The following FSCN1 variants were observed in gnomAD, a reference collection of about 807,000 sequenced individuals.
The protein encoded by FSCN1 is fascin actin-bundling protein 1, also known as fascin.
A neutral mutation model predicts 39.7 loss-of-function variants in FSCN1; 10 were observed. The observed-to-expected ratio is 0.25, with a 90% CI of 0.16 to 0.43. The LOEUF (loss-of-function observed/expected upper bound fraction) is 0.43, where lower values mean the gene tolerates loss of function less well. FSCN1 is among the 20% of genes least tolerant of loss of function. The pLI, the probability that FSCN1 is intolerant of heterozygous loss-of-function variation, is 1.00. For missense variants in FSCN1, 525 were observed against 723.8 expected (o/e 0.73, Z 3.15); for synonymous variants, 322 against 320.0 (o/e 1.01, Z -0.07).
chr7:5,597,189 CA>C (rs1785744599), intron 1 of FSCN1, among the ~76,000 whole-genome samples: 1 of 152,118 alleles, frequency 6.6e-6, no homozygotes. Flanking sequence ...GAAAACATGG[CA>C]AAACCTCTGT....
intron 1 of FSCN1, among the ~76,000 whole-genome samples, chr7:5,595,318 G>A (rs1785711154): frequency 6.6e-6 from 1 of 152,210 alleles, no homozygotes; most frequent in Non-Finnish European, 1.5e-5. Context: ...GGGTCACACA[G>A]CAAGTGACCA....
rs1430845817 is a variant in FSCN1, at chr7:5,599,245, G to C, written c.833-4012G>C. On this transcript the variant is annotated intron_variant, in intron 1 of 4. Transcript: ENST00000382361. The surrounding 1 kb of genome is among the most constrained non-coding windows in gnomAD (Gnocchi z 5.6). Reference sequence around the variant, plus strand: ...GGCAGAGGGTGGGCTACCGGCTTAAGGGGCCCCAGGGAACCTGGGGGGTGG... The same window carrying C: ...GGCAGAGGGTGGGCTACCGGCTTAACGGGCCCCAGGGAACCTGGGGGGTGG... 6.6e-6 allele frequency among the ~76,000 whole-genome samples: 1 copy of C among 152,164 alleles called. No homozygotes were observed. Among genetic ancestry groups the C allele is most frequent in the Non-Finnish European group, 1.5e-5 (1 of 68,010 alleles).
intron 4 of FSCN1, 102 bp downstream of exon 4, chr7:5,604,132 TGGCTCAG>T: frequency 8.7e-7 from 1 of 1,153,054 alleles, no homozygotes; most frequent in Non-Finnish European, 1.2e-6. Context: ...GACCCTGGCT[TGGCTCAG>T]GGCCATTCCA....
At chr7:5,604,193 G>A (rs1023544015) in intron 4 of FSCN1, among the ~76,000 whole-genome samples, 163 bp downstream of exon 4, 2 of 152,156 alleles carry the variant, frequency 1.3e-5, no homozygotes, top group African/African-American at 4.8e-5. Flanking sequence ...GGGGCTCTGG[G>A]ATGCAAGCAG....
chr7:5,595,412 C>A (rs1785712291), intron 1 of FSCN1, among the ~76,000 whole-genome samples: 1 of 152,212 alleles, frequency 6.6e-6, no homozygotes, highest in African/African-American at 2.4e-5. Flanking sequence ...GGGCAGAGCT[C>A]CTCACCTGAT....
Position 5,592,902 on chromosome 7 carries a change from C to T in FSCN1, c.-35C>T, listed in dbSNP as rs983069955. 9.6e-6 allele frequency: 13 copies of T among 1,360,516 alleles called. No individual in the cohort carries two copies. Among genetic ancestry groups the T allele is most frequent in the African/African-American group, 3.0e-5 (2 of 67,062 alleles). 84.3% of individuals were successfully genotyped at this position (1,360,516 alleles called of 1,614,324 possible). A position where few individuals can be genotyped will look rare whatever the true frequency, so the allele number is the denominator to read the frequency against. ...CCGCAGGGACCCGCCACCCACCTCC[C>T]GGGGCCGCGCAGCGGCCTCTCGTCT... On this transcript the variant is annotated 5_prime_UTR_variant, in exon 1 of 5. Coordinates refer to ENST00000382361, the MANE Select transcript of FSCN1 (RefSeq NM_003088.4). The surrounding 1 kb of genome is among the most constrained non-coding windows in gnomAD (Gnocchi z 5.3).
chr7:5,604,392 C>T (rs530022497), intron 4 of FSCN1, among the ~76,000 whole-genome samples: 300 of 152,134 alleles, frequency 2.0e-3, no homozygotes, highest in African/African-American at 6.1e-3. Flanking sequence ...CAGGGGAGGA[C>T]GCGCCTCGGT....
chr7:5,595,793 C>A (rs1562745648), intron 1 of FSCN1, among the ~76,000 whole-genome samples: 1 of 152,172 alleles, frequency 6.6e-6, no homozygotes, highest in Non-Finnish European at 1.5e-5. Context: ...GCAGCCACAG[C>A]CTCCCGTGGG....
intron 1 of FSCN1, among the ~76,000 whole-genome samples, chr7:5,601,921 T>C (rs1356879373): frequency 7.0e-6 from 1 of 142,140 alleles, no homozygotes; most frequent in Non-Finnish European, 1.5e-5. Flanking sequence ...CATAGTTTCC[T>C]TTTTTTTGTT....
rs1260346388 is a variant in FSCN1 at position 5,605,039 on chromosome 7, C to G, written c.1280-233C>G. 6.6e-6 allele frequency among the ~76,000 whole-genome samples: 1 copy of G among 152,218 alleles called. No individual in the cohort carries two copies. The highest frequency in any genetic ancestry group is 1.5e-5 in the Non-Finnish European group (1 of 68,052). Reference sequence around the variant, plus strand: ...CCGCCCACCTCAGCCTCCCAAAGTGCTGGGATTACAGGCGTGAGCCACTGC... The same window carrying G: ...CCGCCCACCTCAGCCTCCCAAAGTGGTGGGATTACAGGCGTGAGCCACTGC... On this transcript the variant is annotated intron_variant, in intron 4 of 4. Coordinates refer to ENST00000382361, the MANE Select transcript of FSCN1 (RefSeq NM_003088.4). This position sits in a 1 kb window ranked among gnomAD's most constrained non-coding sequence, Gnocchi z 6.9.
intron 1 of FSCN1, among the ~76,000 whole-genome samples, chr7:5,595,446 G>A (rs771389222): frequency 6.6e-5 from 10 of 152,216 alleles, no homozygotes; most frequent in Admixed American, 3.9e-4. Context: ...GCCCTACTAA[G>A]GGGACCTGCT....
intron 1 of FSCN1, among the ~76,000 whole-genome samples, chr7:5,600,563 C>A (rs1198031225): frequency 6.6e-6 from 1 of 151,188 alleles, no homozygotes; most frequent in Non-Finnish European, 1.5e-5. Flanking sequence ...CGGATCTCAG[C>A]TCACTGCAGC....
At chr7:5,602,239 G>A (rs908778474) in intron 1 of FSCN1, among the ~76,000 whole-genome samples, 16 of 149,134 alleles carry the variant, frequency 1.1e-4, no homozygotes, top group Non-Finnish European at 1.6e-4. Flanking sequence ...GTCTTGCTAA[G>A]TTGTCCAGGC....
intron 1 of FSCN1, among the ~76,000 whole-genome samples, chr7:5,598,154 G>T (rs1281691050): frequency 1.3e-5 from 2 of 152,188 alleles, no homozygotes; most frequent in African/African-American, 2.4e-5. Flanking sequence ...GCGGAGCGGA[G>T]AGGCTGGGCC....
Position 5,605,454 on chromosome 7 carries a change from G to A in FSCN1, c.1462G>A (p.Ala488Thr), listed in dbSNP as rs369926891. ...LKASAETVDP[A>T]SLWEY The stretch of plus-strand genomic sequence containing the variant: ...GGCCTCGGCGGAAACCGTGGACCCC[G>A]CCTCGCTCTGGGAGTACTAGGGCCG... Residue 488 changes from alanine to threonine, a missense_variant, in exon 5 of 5, where the codon GCC becomes ACC. By Grantham distance (58) the Ala-to-Thr change is moderately conservative. This residue lies in a region of FSCN1 where 275 missense variants were observed against 351.9 expected (regional missense o/e 0.78). Transcript: ENST00000382361. This position sits in a 1 kb window ranked among gnomAD's most constrained non-coding sequence, Gnocchi z 6.9. 3.9e-5 allele frequency: 62 copies of A among 1,587,404 alleles called. No homozygotes were observed. In the African/African-American group the frequency reaches 6.1e-4, roughly 15 times the overall value.
Position 5,604,024 on chromosome 7 carries a change from A to G in FSCN1, c.1273A>G (p.Ile425Val). 1 of 1,613,004 alleles carries G rather than the reference A, an allele frequency of 6.2e-7. No individual in the cohort carries two copies. Among genetic ancestry groups the G allele is most frequent in the Non-Finnish European group, 8.5e-7 (1 of 1,179,722 alleles). Residue 425 changes from isoleucine (I) to valine (V), a missense_variant, in exon 4 of 5, where the codon ATC (isoleucine) becomes GTC (valine). Transcript: ENST00000382361. ...GGAGTTCAACGATGGCGCCTACAAC[A>G]TCAAAGGCAGGTTCTCCTGTGGGCA... is the stretch of plus-strand genomic sequence containing the variant. ...QLEFNDGAYN[I>V]KDSTGKYWTV... is the part of the protein sequence containing the mutation.
At position 5,605,729 on chromosome 7, in the gene FSCN1, CTCT is replaced by C; in HGVS notation, c.*257_*259del. The C allele has an allele frequency of 2.1e-6, 1 of 485,968 alleles. No homozygotes were observed. Among genetic ancestry groups the C allele is most frequent in the Non-Finnish European group, 3.7e-6 (1 of 272,780 alleles). The allele number at this position is 485,968 out of a possible 1,614,324, so 30.1% of individuals were successfully genotyped here. On this transcript the variant is annotated 3_prime_UTR_variant, in exon 5 of 5. Coordinates refer to ENST00000382361, the MANE Select transcript of FSCN1 (RefSeq NM_003088.4). The surrounding 1 kb of genome is among the most constrained non-coding windows in gnomAD (Gnocchi z 6.9). ...GGGAGGGATTTCAGATGCCCCTGCC[CTCT>C]TGTCTGCCACGGGGCGAGTCTGGCA...
Position 5,593,413 on chromosome 7 carries a change from G to T in FSCN1, c.477G>T (p.Pro159=), listed in dbSNP as rs779945653. ...RKRYAHLSAR[P]ADEIAVDRDV... ...GCTACGCGCACCTGAGCGCGCGGCC[G>T]GCCGACGAGATCGCCGTGGACCGCG... Residue 159 remains proline, a synonymous_variant, in exon 1 of 5, where the codon CCG becomes CCT. Transcript: ENST00000382361. The T allele has an allele frequency of 1.7e-5, 28 of 1,612,072 alleles. No homozygotes were observed. The highest frequency in any genetic ancestry group is 2.4e-5 in the Non-Finnish European group (28 of 1,179,784).
In FSCN1 at chr7:5,605,311, C is replaced by T. The variant is rs17850070; in HGVS notation, c.1319C>T (p.Ala440Val). The T allele has an allele frequency of 1.6e-3, 2,538 of 1,613,668 alleles. 9 individuals carry two copies. The highest frequency in any genetic ancestry group is 8.9e-3 in the Middle Eastern group (54 of 6,060). ...GKYWTVGSDS[A>V]VTSSGDTPVD... ...TACTGGACGGTGGGCAGTGACTCCG[C>T]GGTCACCAGCAGCGGCGACACTCCT... The change falls in exon 5 of 5, where the codon GCG becomes GTG. Residue 440 changes from alanine (A) to valine (V), a missense_variant. Transcript: ENST00000382361. The surrounding 1 kb of genome is among the most constrained non-coding windows in gnomAD (Gnocchi z 6.9).
Sources: allele counts gnomAD v4.1 joint callset (sites outside exome capture counted in the v4.1 genomes callset), GRCh38; gene constraint gnomAD v4.1.1; regional missense constraint gnomAD v4.1.1; non-coding constraint Gnocchi (gnomAD v3.1); transcripts MANE v1.5; gene names NCBI Gene and HGNC (gene_info 2026-07-23, HGNC 2026-07-21).